The following HIVEP3 variants were observed in gnomAD, a reference collection of about 807,000 sequenced individuals.
HIVEP3 encodes HIVEP zinc finger 3, also known as transcription factor HIVEP3.
A neutral mutation model predicts 152.8 loss-of-function variants in HIVEP3; 49 were observed. The observed-to-expected ratio is 0.32, with a 90% CI of 0.26 to 0.41. The LOEUF (loss-of-function observed/expected upper bound fraction) is 0.41. Ranked by LOEUF, HIVEP3 falls within the 10% of genes least tolerant of loss-of-function variation. The pLI is 1.00. For synonymous variants in HIVEP3, 1,269 were observed against 1,289.0 expected (o/e 0.98, Z 0.33); for missense variants, 2,790 against 3,103.3 (o/e 0.90, Z 2.40).
At position 41,534,713 on chromosome 1, in the gene HIVEP3, G is replaced by A. The variant is rs115120397; in HGVS notation, c.5208-9803C>T. 7.2e-3 allele frequency among the ~76,000 whole-genome samples: 1,099 copies of A among 152,302 alleles called. 12 individuals are homozygous for A. Among genetic ancestry groups the A allele is most frequent in the Middle Eastern group, 0.041 (12 of 294 alleles). ...GACCAGCGAGGCCTTCTTTCCTGGG[G>A]CCTGTGATCCTCAGATTCTAGCCTT... On this transcript the variant is annotated intron_variant, in intron 5 of 8. Coordinates refer to ENST00000372583, the MANE Select transcript of HIVEP3 (RefSeq NM_024503.5).
Position 41,584,733 on chromosome 1 carries a change from G to T in HIVEP3, c.65C>A (p.Thr22Asn). The T allele has an allele frequency of 2.0e-6, 3 of 1,528,366 alleles. No individual in the cohort carries two copies. The highest frequency in any genetic ancestry group is 2.6e-6 in the Non-Finnish European group (3 of 1,140,578). The allele number at this position is 1,528,366 out of a possible 1,614,324, so 94.7% of individuals were successfully genotyped here. The change falls in exon 4 of 9, where the codon ACC becomes AAC. Residue 22 changes from threonine (T) to asparagine (N), a missense_variant. Thr to Asn is a moderately conservative substitution (Grantham distance 65, BLOSUM62 0). Coordinates refer to ENST00000372583, the MANE Select transcript of HIVEP3 (RefSeq NM_024503.5). This position sits in a 1 kb window ranked among gnomAD's most constrained non-coding sequence, Gnocchi z 5.2. ...KAEGSPRKRL[T>N]KGEAIQTSVS... ...ACTGGTCTGAATGGCCTCTCCTTTG[G>T]TCAGCCGCTTCCGGGGACTTCCCTC...
intron 2 of HIVEP3, among the ~76,000 whole-genome samples, chr1:41,645,611 A>G (rs1218871024): frequency 6.6e-6 from 1 of 152,164 alleles, no homozygotes; most frequent in African/African-American, 2.4e-5. Flanking sequence ...TAATTGCATA[A>G]TTACTTATTC....
At chr1:41,921,493 T>C (rs1570812980), upstream of HIVEP3, among the ~76,000 whole-genome samples, 1 of 152,198 alleles carries the variant, frequency 6.6e-6, no homozygotes, top group Non-Finnish European at 1.5e-5. Context: ...GTGCCTCTGC[T>C]CCTCCTTCAC....
intron 5 of HIVEP3, among the ~76,000 whole-genome samples, chr1:41,544,983 GCCA>G (rs1299849759): frequency 0.067 from 145 of 2,176 alleles, no homozygotes; most frequent in Admixed American, 0.13. Flanking sequence ...CACTATCACC[GCCA>G]CCACCATCGC....
chr1:41,945,785 C>G (rs908020338), intron 1 of HIVEP3, among the ~76,000 whole-genome samples: 1 of 152,178 alleles, frequency 6.6e-6, no homozygotes, highest in Non-Finnish European at 1.5e-5. Flanking sequence ...GGAAGAAAAT[C>G]CTACCGCCTT....
chr1:41,701,081 T>A, intron 1 of HIVEP3, 86 bp from the exon 2 acceptor site: 1 of 516,394 alleles, frequency 1.9e-6, no homozygotes, highest in Non-Finnish European at 2.5e-6. Context: ...CCAAAAATGG[T>A]GAGCACAGCC....
At chr1:41,668,874 G>A (rs1196188744) in intron 2 of HIVEP3, among the ~76,000 whole-genome samples, 1 of 152,168 alleles carries the variant, frequency 6.6e-6, no homozygotes, top group South Asian at 2.1e-4. Flanking sequence ...TAGGTTAGGA[G>A]AGCTCTGGGG....
At chr1:41,652,200 C>T (rs1287299085) in intron 2 of HIVEP3, among the ~76,000 whole-genome samples, 1 of 152,228 alleles carries the variant, frequency 6.6e-6, no homozygotes, top group African/African-American at 2.4e-5. Context: ...AAGCCAACCA[C>T]TTCATCACGA....
At chr1:41,696,581 T>C (rs12069663) in intron 2 of HIVEP3, among the ~76,000 whole-genome samples, 9,791 of 152,294 alleles carry the variant, frequency 0.064, 702 homozygotes, top group African/African-American at 0.18. Flanking sequence ...GAAGGTCAGA[T>C]GCCTCCAAGC....
intron 1 of HIVEP3, among the ~76,000 whole-genome samples, chr1:41,783,574 G>C (rs1649177268): frequency 6.6e-6 from 1 of 152,114 alleles, no homozygotes; most frequent in South Asian, 2.1e-4. Context: ...GGACACTCTT[G>C]CCAGTCACTA....
rs1319059691 is a variant in HIVEP3 at position 41,960,389 on chromosome 1, A to C, written n.120-41865T>G. Among the ~76,000 whole-genome samples, 2 of 152,196 alleles carry C rather than the reference A, an allele frequency of 1.3e-5. 1 individual carries two copies. The highest frequency in any genetic ancestry group is 4.8e-5 in the African/African-American group (2 of 41,454). On this transcript the variant is annotated intron_variant and non_coding_transcript_variant, in intron 1 of 3. Transcript: ENST00000489103. ...CTTAATGGTACAAGCAGTAGCTGGT[A>C]GCAGAGGCAACAGTTGCCTTAACTA...
chr1:41,620,583 G>A (rs1234204258), intron 3 of HIVEP3, among the ~76,000 whole-genome samples: 1 of 152,028 alleles, frequency 6.6e-6, no homozygotes, highest in Admixed American at 6.6e-5. Flanking sequence ...CCTTGACTTG[G>A]TAGCAGCTTC....
chr1:41,845,317 C>T (rs901698766), intron 1 of HIVEP3, among the ~76,000 whole-genome samples: 1 of 151,922 alleles, frequency 6.6e-6, no homozygotes. Context: ...ATAATAGGTG[C>T]TCAGTAAATA....
chr1:41,936,715 C>G lies in HIVEP3; in HGVS notation n.120-18191G>C, dbSNP rs151122895. Among the ~76,000 whole-genome samples, 25 of 152,248 alleles carry G rather than the reference C, an allele frequency of 1.6e-4. No homozygotes were observed. The East Asian group carries it at 4.6e-3, about 28-fold the overall frequency. On this transcript the variant is annotated intron_variant and non_coding_transcript_variant, in intron 1 of 3. Transcript: ENST00000489103. ...TTATTGGGGTTCAAGGTATATCTAT[C>G]AAATCATTCTGTTATCTCAAGGTAT...
intron 6 of HIVEP3, among the ~76,000 whole-genome samples, chr1:41,520,654 T>C (rs753820786): frequency 1.3e-5 from 2 of 152,234 alleles, no homozygotes; most frequent in Non-Finnish European, 2.9e-5. Flanking sequence ...TTACCTCACT[T>C]GTTGCACCTG....
chr1:41,531,183 C>T (rs1643235510), intron 5 of HIVEP3, among the ~76,000 whole-genome samples: 1 of 123,062 alleles, frequency 8.1e-6, no homozygotes, highest in Admixed American at 8.5e-5. Flanking sequence ...GAAGGGAGGA[C>T]AGGAGAGATG....
intron 1 of HIVEP3, among the ~76,000 whole-genome samples, chr1:41,797,332 C>T (rs1029832726): frequency 1.3e-5 from 2 of 152,188 alleles, no homozygotes; most frequent in Non-Finnish European, 2.9e-5. Context: ...GGGTTTGAAG[C>T]CTCACAGAGA....
At chr1:41,538,391 C>A (rs1643449958) in intron 5 of HIVEP3, among the ~76,000 whole-genome samples, 1 of 152,098 alleles carries the variant, frequency 6.6e-6, no homozygotes, top group Non-Finnish European at 1.5e-5. Context: ...GTCAAGGATG[C>A]CTTCTTATAC....
At chr1:41,652,102 C>G (rs183378764) in intron 2 of HIVEP3, among the ~76,000 whole-genome samples, 4 of 152,234 alleles carry the variant, frequency 2.6e-5, no homozygotes, top group Admixed American at 1.3e-4. Context: ...TGTTTATAGC[C>G]AAGGAAAGGG....
Sources: allele counts gnomAD v4.1 joint callset (sites outside exome capture counted in the v4.1 genomes callset), GRCh38; gene constraint gnomAD v4.1.1; non-coding constraint Gnocchi (gnomAD v3.1); transcripts MANE v1.5; gene names NCBI Gene and HGNC (gene_info 2026-07-23, HGNC 2026-07-21).